NCKAP1: variants seen among roughly 807,000 people sequenced by gnomAD.
NCKAP1 encodes the protein nck-associated protein 1.
Under a neutral mutation model 151.2 loss-of-function variants are expected in NCKAP1, and 21 were observed. The observed-to-expected ratio is 0.14, with a 90% CI of 0.10 to 0.20. NCKAP1 has a LOEUF of 0.20. NCKAP1 is among the 10% of genes least tolerant of loss of function. The pLI is 1.00. For synonymous variants in NCKAP1, 484 were observed against 451.8 expected (o/e 1.07, Z -0.90); for missense variants, 933 against 1,352.1 (o/e 0.69, Z 4.86).
chr2:182,998,227 G>A (rs891725632), intron 6 of NCKAP1, among the ~76,000 whole-genome samples: 7 of 151,992 alleles, frequency 4.6e-5, no homozygotes, highest in Admixed American at 1.3e-4. Flanking sequence ...ATACGGAATG[G>A]GCAAAAGCTA....
chr2:182,995,935 A>G, intron 6 of NCKAP1, 97 bp from the exon 7 acceptor site: 1 of 1,055,734 alleles, frequency 9.5e-7, no homozygotes, highest in Non-Finnish European at 1.4e-6. Flanking sequence ...CTATACCATC[A>G]TAAAACAACA....
At chr2:182,988,377 C>T (rs1698099801) in intron 9 of NCKAP1, among the ~76,000 whole-genome samples, 1 of 152,076 alleles carries the variant, frequency 6.6e-6, no homozygotes, top group South Asian at 2.1e-4. Context: ...ATAAGTATAG[C>T]AGATCCTAGA....
At chr2:183,035,936 G>C (rs1699093643) in intron 1 of NCKAP1, among the ~76,000 whole-genome samples, 1 of 152,108 alleles carries the variant, frequency 6.6e-6, no homozygotes, top group Admixed American at 6.5e-5. Flanking sequence ...TCCCTGCCCA[G>C]AGAAAATTCA....
At chr2:182,945,589 C>CA (rs1478888789) in intron 23 of NCKAP1, among the ~76,000 whole-genome samples, 8 of 151,890 alleles carry the variant, frequency 5.3e-5, no homozygotes, top group Admixed American at 4.6e-4. Flanking sequence ...TTGGTAATAT[C>CA]AAAAAAAATT....
At chr2:182,983,076 G>T in intron 11 of NCKAP1, 149 bp from the exon 12 acceptor site, 1 of 705,832 alleles carries the variant, frequency 1.4e-6, no homozygotes, top group Non-Finnish European at 2.4e-6. Flanking sequence ...AAGAGAACCT[G>T]TAAGTATGTA....
intron 2 of NCKAP1, among the ~76,000 whole-genome samples, chr2:183,013,493 T>C (rs1376492713): frequency 6.6e-6 from 1 of 152,176 alleles, no homozygotes; most frequent in Non-Finnish European, 1.5e-5. Context: ...ATAGGTTCTG[T>C]CTTCAAAAAT....
chr2:182,994,815 A>C (rs748841948), intron 8 of NCKAP1, 24 bp downstream of exon 8: 1 of 1,578,466 alleles, frequency 6.3e-7, no homozygotes, highest in Non-Finnish European at 8.7e-7. Flanking sequence ...GGGAGTAATC[A>C]TAACACTAAC....
intron 24 of NCKAP1, 60 bp downstream of exon 24, chr2:182,942,010 A>C: frequency 7.3e-7 from 1 of 1,365,072 alleles, no homozygotes. Flanking sequence ...TTTGAGCCAA[A>C]GCTAAATACT....
Position 182,918,360 on chromosome 2 carries a change from A to G in NCKAP1, c.*7342T>C, listed in dbSNP as rs1270645852. On this transcript the variant is annotated 3_prime_UTR_variant, in exon 31 of 31. Transcript: ENST00000361354. ...CTGGGTATCTACCCAAAGGAAGTCAATATATCAAAAAAAATCTGCATGTGT... is the reference window on the plus strand; with the variant it reads ...CTGGGTATCTACCCAAAGGAAGTCAGTATATCAAAAAAAATCTGCATGTGT... The G allele has an allele frequency of 6.6e-6, 1 of 152,168 alleles. No homozygotes were observed. Among genetic ancestry groups the G allele is most frequent in the East Asian group, 1.9e-4 (1 of 5,200 alleles). The allele number at this position is 152,168 out of a possible 1,614,324, so 9.4% of individuals were successfully genotyped here.
intron 15 of NCKAP1, among the ~76,000 whole-genome samples, chr2:182,973,312 T>TA (rs1052895263): frequency 6.6e-6 from 1 of 152,036 alleles, no homozygotes; most frequent in Admixed American, 6.6e-5. Flanking sequence ...AACATGTTAC[T>TA]AAAAAAGAAT....
chr2:182,994,920 A>G (rs1276679064), intron 7 of NCKAP1, 33 bp from the exon 8 acceptor site: 1 of 1,537,732 alleles, frequency 6.5e-7, no homozygotes, highest in South Asian at 1.1e-5. Flanking sequence ...TTGCAGTTAA[A>G]AGAAATTCTA....
rs186219929 is a variant in NCKAP1 at position 183,002,303 on chromosome 2, C to G, written c.370-34G>C. The G allele has an allele frequency of 1.6e-3, 2,196 of 1,386,964 alleles. 3 individuals are homozygous for G. Among genetic ancestry groups the G allele is most frequent in the Non-Finnish European group, 2.0e-3 (1,988 of 1,019,204 alleles). The allele number at this position is 1,386,964 out of a possible 1,614,324, so 85.9% of individuals were successfully genotyped here. A position where few individuals can be genotyped will look rare whatever the true frequency, so the allele number is the denominator to read the frequency against. On this transcript the variant is annotated intron_variant, in intron 4 of 30. Transcript: ENST00000361354. ...AAAAAAAATCAAGTTCAACTACTTC[C>G]TATTTCTTAAAATTTTAAACACACA...
rs770314100 is a variant in NCKAP1 at position 182,990,358 on chromosome 2, A to G, written c.791-1172T>C. Among the ~76,000 whole-genome samples the G allele has an allele frequency of 1.6e-3, 239 of 152,254 alleles. 2 individuals are homozygous for G. The highest frequency in any genetic ancestry group is 2.7e-3 in the Non-Finnish European group (185 of 67,996). The stretch of plus-strand genomic sequence containing the variant: ...TGGTCCATATGCTTCTTATAGTTGA[A>G]GAAGTGAAGGGTCAATGACTTTACT... On this transcript the variant is annotated intron_variant, in intron 8 of 30. Transcript: ENST00000361354.
intron 18 of NCKAP1, among the ~76,000 whole-genome samples, chr2:182,960,527 A>T (rs1410648479): frequency 1.3e-5 from 2 of 152,344 alleles, no homozygotes; most frequent in East Asian, 3.9e-4. Flanking sequence ...CTGGCTAGCC[A>T]TATGTAGAAA....
At chr2:182,993,281 T>G (rs1450662409) in intron 8 of NCKAP1, among the ~76,000 whole-genome samples, 6 of 152,238 alleles carry the variant, frequency 3.9e-5, no homozygotes. Flanking sequence ...GTTTTGCTTT[T>G]TGGACCTTTG....
chr2:182,931,061 CT>C (rs922243228), intron 26 of NCKAP1, among the ~76,000 whole-genome samples: 1 of 152,048 alleles, frequency 6.6e-6, no homozygotes, highest in Admixed American at 6.6e-5. Context: ...AAAGTTATCA[CT>C]TTGCTTGGAA....
intron 2 of NCKAP1, among the ~76,000 whole-genome samples, chr2:183,021,694 A>C (rs765407625): frequency 2.6e-5 from 4 of 152,222 alleles, no homozygotes; most frequent in Non-Finnish European, 5.9e-5. Context: ...AACCAGTCAC[A>C]GAAGACCACA....
rs1022597150 is a variant in NCKAP1 at position 182,925,657 on chromosome 2, C to A, written c.*45G>T. 2.0e-5 allele frequency: 24 copies of A among 1,200,376 alleles called. No individual in the cohort carries two copies. The highest frequency in any genetic ancestry group is 2.6e-5 in the Non-Finnish European group (22 of 853,122). 74.4% of individuals were successfully genotyped at this position (1,200,376 alleles called of 1,614,324 possible). Reference sequence around the variant, plus strand: ...ATAGTTCCACAGTCTACAGGTAAAACCAAGGCAACAAAAATGCGTGCTTAT... The same window carrying A: ...ATAGTTCCACAGTCTACAGGTAAAAACAAGGCAACAAAAATGCGTGCTTAT... On this transcript the variant is annotated 3_prime_UTR_variant, in exon 31 of 31. Coordinates refer to ENST00000361354, the MANE Select transcript of NCKAP1 (RefSeq NM_013436.5).
intron 1 of NCKAP1, chr2:183,025,069 A>G (rs1355897463): frequency 2.1e-6 from 3 of 1,440,868 alleles, no homozygotes; most frequent in Admixed American, 1.8e-5. Flanking sequence ...TATACGTTTC[A>G]GAAGAAAACT....
Sources: gnomAD v4.1 joint callset for allele counts (sites outside exome capture counted in the v4.1 genomes callset) on GRCh38, gnomAD v4.1.1 for gene constraint, MANE v1.5 for transcripts, NCBI Gene and HGNC (gene_info 2026-07-23, HGNC 2026-07-21) for gene names.